The following EDARADD variants were observed in gnomAD, a reference collection of about 807,000 sequenced individuals.
EDARADD encodes the protein ectodysplasin-A receptor-associated adapter protein.
A neutral mutation model predicts 25.6 loss-of-function variants in EDARADD; 20 were observed. The observed-to-expected ratio is 0.78, with a 90% CI of 0.55 to 1.14. EDARADD has a LOEUF of 1.14. Ranked by LOEUF, EDARADD falls within the 50% of genes most tolerant of loss-of-function variation. The probability of loss-of-function intolerance (pLI) is 0.00; values close to 1 mark genes in which losing one functional copy is unlikely to be tolerated. For synonymous variants in EDARADD, 86 were observed against 94.4 expected (o/e 0.91, Z 0.52); for missense variants, 225 against 270.1 (o/e 0.83, Z 1.17).
chr1:236,382,621 T>C (rs950088095), intron 3 of EDARADD, among the ~76,000 whole-genome samples: 1 of 152,222 alleles, frequency 6.6e-6, no homozygotes, highest in Non-Finnish European at 1.5e-5. Flanking sequence ...GTTAAGTTGG[T>C]TGGAAAGAAT....
chr1:236,364,062 G>T (rs1340457716), intron 3 of EDARADD, among the ~76,000 whole-genome samples: 1 of 152,012 alleles, frequency 6.6e-6, no homozygotes, highest in Non-Finnish European at 1.5e-5. Context: ...TGAGGCAGGA[G>T]AATCACTTGA....
Position 236,483,098 on chromosome 1 carries a change from A to T in EDARADD, c.*449A>T. ...AAGAAAACAGCTACAAGGAATGCTT[A>T]CCTGAGTGTCTGCAGCACCCTCCAC... On this transcript the variant is annotated 3_prime_UTR_variant, in exon 6 of 6. Coordinates refer to ENST00000334232, the MANE Select transcript of EDARADD (RefSeq NM_145861.4). The T allele has an allele frequency of 9.6e-7, 1 of 1,042,476 alleles. No individual in the cohort carries two copies. Among genetic ancestry groups the T allele is most frequent in the Non-Finnish European group, 1.5e-6 (1 of 684,212 alleles). 64.6% of individuals were successfully genotyped at this position (1,042,476 alleles called of 1,614,324 possible). A position where few individuals can be genotyped will look rare whatever the true frequency, so the allele number is the denominator to read the frequency against.
In EDARADD at chr1:236,468,266, T is replaced by C; in HGVS notation, c.255T>C (p.Asp85=). 6.2e-7 allele frequency: 1 copy of C among 1,614,126 alleles called. No homozygotes were observed. The highest frequency in any genetic ancestry group is 8.5e-7 in the Non-Finnish European group (1 of 1,179,944). ...ATGGCTTTCCAGATAGCACTGGAGATCCTCTTCCAGGTAAATGATTGATTC... is the reference window on the plus strand; with the variant it reads ...ATGGCTTTCCAGATAGCACTGGAGACCCTCTTCCAGGTAAATGATTGATTC... ...EENGFPDSTG[D]PLPEISKDNS... Residue 85 remains aspartate (D), a synonymous_variant, in exon 5 of 6, where the codon GAT becomes GAC. Transcript: ENST00000334232.
chr1:236,447,626 C>T (rs1258811654), intron 4 of EDARADD, among the ~76,000 whole-genome samples: 1 of 152,104 alleles, frequency 6.6e-6, no homozygotes, highest in Non-Finnish European at 1.5e-5. Flanking sequence ...CAGCAAGCTT[C>T]AAGTGGCCAC....
In EDARADD at chr1:236,483,887, C is replaced by T. The variant is rs955683364; in HGVS notation, c.*1238C>T. On this transcript the variant is annotated 3_prime_UTR_variant, in exon 6 of 6. Transcript: ENST00000334232. ...AAGCTGGCTACACTGATAAGGTGAT[C>T]GTCAGCATGGACGTAGAGGCCTCCG... is the stretch of plus-strand genomic sequence containing the variant. The T allele has an allele frequency of 2.4e-5, 33 of 1,379,894 alleles. No homozygotes were observed. The highest frequency in any genetic ancestry group is 3.0e-5 in the Non-Finnish European group (29 of 969,266). The allele number at this position is 1,379,894 out of a possible 1,614,324, so 85.5% of individuals were successfully genotyped here.
Position 236,430,706 on chromosome 1 carries a change from A to G in EDARADD, c.219+3256A>G, listed in dbSNP as rs549287970. 2.6e-5 allele frequency among the ~76,000 whole-genome samples: 4 copies of G among 152,368 alleles called. No homozygotes were observed. In the South Asian group the frequency reaches 6.2e-4, roughly 24 times the overall value. On this transcript the variant is annotated intron_variant, in intron 4 of 5. Transcript: ENST00000334232. ...ATCTATAGGATTTGTTTTAACTGCTAGATACTCAGAAGGATTCTTTGAAAT... is the reference window on the plus strand; with the variant it reads ...ATCTATAGGATTTGTTTTAACTGCTGGATACTCAGAAGGATTCTTTGAAAT...
intron 5 of EDARADD, among the ~76,000 whole-genome samples, chr1:236,473,827 G>A (rs1156469915): frequency 6.6e-6 from 1 of 152,046 alleles, no homozygotes; most frequent in Non-Finnish European, 1.5e-5. Context: ...TTGGAGTGCA[G>A]TGGCACCACC....
At chr1:236,473,653 C>T (rs917132804) in intron 5 of EDARADD, among the ~76,000 whole-genome samples, 4 of 152,102 alleles carry the variant, frequency 2.6e-5, no homozygotes, top group African/African-American at 7.2e-5. Flanking sequence ...GGCCCGGTGG[C>T]GTGCGCCTGT....
chr1:236,479,750 A>AG (rs1659618169), intron 5 of EDARADD, among the ~76,000 whole-genome samples: 1 of 101,078 alleles, frequency 9.9e-6, no homozygotes, highest in South Asian at 2.9e-4. Context: ...TTAATCAAAA[A>AG]AAAAAAGAAA....
At chr1:236,440,686 G>A (rs1658375529) in intron 4 of EDARADD, among the ~76,000 whole-genome samples, 1 of 151,768 alleles carries the variant, frequency 6.6e-6, no homozygotes, top group Admixed American at 6.6e-5. Flanking sequence ...TCACAATTTG[G>A]TAATTCTCAC....
At chr1:236,429,150 T>G (rs1279840149) in intron 4 of EDARADD, among the ~76,000 whole-genome samples, 4 of 150,574 alleles carry the variant, frequency 2.7e-5, no homozygotes, top group Non-Finnish European at 4.4e-5. Flanking sequence ...GGCAGTACAG[T>G]CCAGCCTCGG....
At chr1:236,401,477 C>T (rs1038818300) in intron 1 of EDARADD, among the ~76,000 whole-genome samples, 1 of 152,166 alleles carries the variant, frequency 6.6e-6, no homozygotes, top group African/African-American at 2.4e-5. Flanking sequence ...TCGGCCGCCC[C>T]ACCAGTGTCT....
At chr1:236,383,952 TTGATTG>T (rs767993399) in intron 3 of EDARADD, among the ~76,000 whole-genome samples, 14 of 152,142 alleles carry the variant, frequency 9.2e-5, no homozygotes, top group Non-Finnish European at 1.8e-4. Context: ...GCAGTGATCT[TTGATTG>T]TGCCACTGCA....
intron 3 of EDARADD, among the ~76,000 whole-genome samples, chr1:236,377,407 T>C (rs1667236151): frequency 6.6e-6 from 1 of 150,536 alleles, no homozygotes; most frequent in South Asian, 2.1e-4. Flanking sequence ...CTGCCCATCT[T>C]GGCCTCCCAA....
chr1:236,416,755 A>G (rs908122217), intron 3 of EDARADD, among the ~76,000 whole-genome samples: 3 of 152,196 alleles, frequency 2.0e-5, no homozygotes, highest in Non-Finnish European at 2.9e-5. Context: ...ACTTACTCCT[A>G]CATTTGCGCT....
intron 4 of EDARADD, among the ~76,000 whole-genome samples, chr1:236,462,755 C>T (rs1659072600): frequency 6.6e-6 from 1 of 152,198 alleles, no homozygotes; most frequent in Non-Finnish European, 1.5e-5. Flanking sequence ...TTCTTGGCAG[C>T]AGTTAATACA....
intron 3 of EDARADD, among the ~76,000 whole-genome samples, chr1:236,373,423 C>G (rs7529720): frequency 0.16 from 24,222 of 152,174 alleles, 2,414 homozygotes; most frequent in East Asian, 0.43. Context: ...CCAGGCTGGT[C>G]TTGAACTCCT....
At chr1:236,443,615 A>T (rs773509693) in intron 4 of EDARADD, among the ~76,000 whole-genome samples, 12 of 152,238 alleles carry the variant, frequency 7.9e-5, no homozygotes, top group Non-Finnish European at 1.5e-4. Flanking sequence ...CTGCAGTGTG[A>T]TGATAAAACT....
chr1:236,453,123 G>A (rs1658757959), intron 4 of EDARADD, among the ~76,000 whole-genome samples: 1 of 152,092 alleles, frequency 6.6e-6, no homozygotes, highest in Admixed American at 6.6e-5. Flanking sequence ...GGCACTCAAA[G>A]TCCCTTCCTA....
Sources: allele counts gnomAD v4.1 joint callset (sites outside exome capture counted in the v4.1 genomes callset), GRCh38; gene constraint gnomAD v4.1.1; transcripts MANE v1.5; gene names NCBI Gene and HGNC (gene_info 2026-07-23, HGNC 2026-07-21).